ADCY9: variants seen among roughly 807,000 people sequenced by gnomAD.
The protein encoded by ADCY9 is adenylate cyclase 9.
Under a neutral mutation model 101.5 loss-of-function variants are expected in ADCY9, and 50 were observed. The observed-to-expected ratio is 0.49, with a 90% CI of 0.39 to 0.62. The LOEUF (loss-of-function observed/expected upper bound fraction) is 0.62, where lower values mean the gene tolerates loss of function less well. Among genes scored for constraint, ADCY9 ranks in the 20% least tolerant of loss-of-function variants. ADCY9 has a pLI of 0.00. For missense variants in ADCY9, 1,662 were observed against 1,800.4 expected (o/e 0.92, Z 1.39); for synonymous variants, 905 against 769.3 (o/e 1.18, Z -2.92).
chr16:4,038,688 AC>A (rs2141763696), intron 2 of ADCY9, among the ~76,000 whole-genome samples: 1 of 151,526 alleles, frequency 6.6e-6, no homozygotes, highest in South Asian at 2.1e-4. Context: ...CATCCTCACA[AC>A]CCTGTTTCTC....
intron 2 of ADCY9, among the ~76,000 whole-genome samples, chr16:4,035,392 T>C (rs183261017): frequency 6.6e-6 from 1 of 152,330 alleles, no homozygotes; most frequent in Admixed American, 6.5e-5. Context: ...TATGTGGGTA[T>C]TAAATATTAT....
At chr16:4,005,817 G>T (rs1234340244) in intron 3 of ADCY9, among the ~76,000 whole-genome samples, 1 of 152,156 alleles carries the variant, frequency 6.6e-6, no homozygotes, top group Non-Finnish European at 1.5e-5. Context: ...TTGGCTCGGG[G>T]CTGTCTTTCA....
intron 6 of ADCY9, 114 bp from the exon 7 acceptor site, chr16:3,983,554 C>A: frequency 1.1e-6 from 1 of 902,744 alleles, no homozygotes; most frequent in Non-Finnish European, 1.7e-6. Context: ...GGGCCAGGCA[C>A]AGGGCAGGAA....
chr16:4,074,103 A>G (rs926293769), intron 2 of ADCY9, among the ~76,000 whole-genome samples: 1 of 152,124 alleles, frequency 6.6e-6, no homozygotes, highest in Non-Finnish European at 1.5e-5. Flanking sequence ...AGTTTCATCA[A>G]ACAGCATTGC....
Position 3,997,819 on chromosome 16 carries a change from C to T in ADCY9, c.1885-4309G>A, listed in dbSNP as rs111874775. Among the ~76,000 whole-genome samples the T allele has an allele frequency of 5.3e-5, 8 of 152,300 alleles. 2 individuals carry two copies. The highest frequency in any genetic ancestry group is 1.9e-4 in the East Asian group (1 of 5,180). Reference sequence around the variant, plus strand: ...TTTGAAAATGCGGATTTTGGCTGGGCGCAGTGGCTCATCCCTGTAATCCCA... The same window carrying T: ...TTTGAAAATGCGGATTTTGGCTGGGTGCAGTGGCTCATCCCTGTAATCCCA... On this transcript the variant is annotated intron_variant, in intron 3 of 10. Coordinates refer to ENST00000294016, the MANE Select transcript of ADCY9 (RefSeq NM_001116.4).
In ADCY9 at chr16:4,114,342, C is replaced by G; in HGVS notation, c.1101G>C (p.Lys367Asn). 6.2e-7 allele frequency: 1 copy of G among 1,614,006 alleles called. No homozygotes were observed. The change falls in exon 2 of 11, where the codon AAG becomes AAC. Residue 367 changes from lysine (K) to asparagine (N), a missense_variant. By Grantham distance (94) the Lys-to-Asn change is moderately conservative. This residue lies in a region of ADCY9 where 228 missense variants were observed against 301.1 expected (regional missense o/e 0.76). Transcript: ENST00000294016. This position sits in a 1 kb window ranked among gnomAD's most constrained non-coding sequence, Gnocchi z 4.3. Reference protein sequence around the residue: ...SVKRHATSSPKNRKKKSSIQK... With the variant: ...SVKRHATSSPNNRKKKSSIQK... ...GGATGGAAGACTTTTTCTTCCTGTT[C>G]TTGGGGCTCGAGGTGGCATGCCTCT...
chr16:4,007,578 C>A lies in ADCY9; in HGVS notation c.1694-20G>T. 2 of 1,579,910 alleles carry A rather than the reference C, an allele frequency of 1.3e-6. No homozygotes were observed. Among genetic ancestry groups the A allele is most frequent in the Non-Finnish European group, 1.7e-6 (2 of 1,162,304 alleles). On this transcript the variant is annotated intron_variant, in intron 2 of 10. Coordinates refer to ENST00000294016, the MANE Select transcript of ADCY9 (RefSeq NM_001116.4). ...TCAAACCTATGATGGATAAAAGTTA[C>A]AGTCAGCACAGATTGAAAGCACCGT...
chr16:3,957,810 G>A (rs557601826), downstream of ADCY9, among the ~76,000 whole-genome samples: 141 of 152,202 alleles, frequency 9.3e-4, no homozygotes, highest in Middle Eastern at 3.4e-3. Flanking sequence ...GGCGGGGCGC[G>A]GGCATTTCGC....
chr16:4,050,713 CA>C (rs5815192), intron 2 of ADCY9, among the ~76,000 whole-genome samples: 6 of 69,638 alleles, frequency 8.6e-5, no homozygotes, highest in African/African-American at 2.5e-4. Context: ...AACTCCGTCT[CA>C]AAAAAAAAAA....
intron 7 of ADCY9, among the ~76,000 whole-genome samples, chr16:3,980,819 A>G (rs2056135168): frequency 6.6e-6 from 1 of 152,240 alleles, no homozygotes; most frequent in African/African-American, 2.4e-5. Flanking sequence ...GTTCCCAGTC[A>G]GCAGCGGGAA....
At chr16:3,998,592 T>A (rs2056305483) in intron 3 of ADCY9, among the ~76,000 whole-genome samples, 1 of 149,078 alleles carries the variant, frequency 6.7e-6, no homozygotes, top group Admixed American at 6.7e-5. Flanking sequence ...ACCTGTAGTT[T>A]CAGCTACTAG....
At chr16:3,994,979 G>C (rs532740562) in intron 3 of ADCY9, among the ~76,000 whole-genome samples, 28 of 152,214 alleles carry the variant, frequency 1.8e-4, no homozygotes, top group African/African-American at 6.5e-4. Context: ...AAAAGAGAAG[G>C]CAAGATTTAA....
chr16:4,024,709 T>C (rs1485204644), intron 2 of ADCY9, among the ~76,000 whole-genome samples: 2 of 152,050 alleles, frequency 1.3e-5, no homozygotes, highest in Admixed American at 6.6e-5. Flanking sequence ...TGATTTAAGG[T>C]CTAGGCAGAA....
intron 2 of ADCY9, among the ~76,000 whole-genome samples, chr16:4,007,851 A>G (rs1410123544): frequency 6.6e-6 from 1 of 152,042 alleles, no homozygotes; most frequent in East Asian, 1.9e-4. Context: ...AAGTTCCTCC[A>G]TGAAAGGGTC....
intron 2 of ADCY9, chr16:4,032,911 G>C (rs891053202): frequency 6.6e-5 from 10 of 152,222 alleles, no homozygotes; most frequent in African/African-American, 2.4e-4. Flanking sequence ...TCGCACGCTG[G>C]AGGAAGAAAG....
Position 4,098,773 on chromosome 16 carries a change from G to A in ADCY9, c.1693+14977C>T, listed in dbSNP as rs1012134274. 2.0e-5 allele frequency among the ~76,000 whole-genome samples: 3 copies of A among 152,152 alleles called. No individual in the cohort carries two copies. The South Asian group carries it at 6.2e-4, about 31-fold the overall frequency. On this transcript the variant is annotated intron_variant, in intron 2 of 10. Transcript: ENST00000294016. ...ATCGTTCCAGGAGGCACTGTTGAGA[G>A]CAAGGCTCCTACTAAGGGATTTCCT...
At chr16:4,081,703 G>A (rs1306981440) in intron 2 of ADCY9, among the ~76,000 whole-genome samples, 1 of 151,894 alleles carries the variant, frequency 6.6e-6, no homozygotes, top group African/African-American at 2.4e-5. Context: ...GTGCAGGAGG[G>A]GAGGAGGGCG....
At position 3,965,990 on chromosome 16, in the gene ADCY9, G is replaced by A; in HGVS notation, c.3847C>T (p.Pro1283Ser). The A allele has an allele frequency of 6.2e-7, 1 of 1,614,200 alleles. No individual in the cohort carries two copies. Among genetic ancestry groups the A allele is most frequent in the South Asian group, 1.1e-5 (1 of 91,082 alleles). Residue 1283 changes from proline to serine, a missense_variant, in exon 11 of 11, where the codon CCT (proline) becomes TCT (serine). Transcript: ENST00000294016. ...GTCTTGTCCACATACTGGACAGAAG[G>A]CACCAGGTTGGCAATCTCGTCTGTG... ...SPTDEIANLVPSVQYVDKTSL... is the reference protein window; with the variant it reads ...SPTDEIANLVSSVQYVDKTSL...
intron 2 of ADCY9, among the ~76,000 whole-genome samples, chr16:4,038,783 C>A (rs538567507): frequency 1.3e-5 from 2 of 152,182 alleles, no homozygotes; most frequent in East Asian, 3.9e-4. Flanking sequence ...CTTTCCCTCA[C>A]CATCAAGCCC....
Sources: allele counts gnomAD v4.1 joint callset (sites outside exome capture counted in the v4.1 genomes callset), GRCh38; gene constraint gnomAD v4.1.1; regional missense constraint gnomAD v4.1.1; non-coding constraint Gnocchi (gnomAD v3.1); transcripts MANE v1.5; gene names NCBI Gene and HGNC (gene_info 2026-07-23, HGNC 2026-07-21).